TANC2: variants seen among roughly 807,000 people sequenced by gnomAD.
TANC2 encodes protein TANC2.
In TANC2, 26 loss-of-function variants were observed where a neutral mutation model predicts 210.5. The observed-to-expected ratio is 0.12, with a 90% CI of 0.09 to 0.17. The LOEUF (loss-of-function observed/expected upper bound fraction) is 0.17. Among genes scored for constraint, TANC2 ranks in the 10% least tolerant of loss-of-function variants. TANC2 has a pLI of 1.00. For synonymous variants in TANC2, 931 were observed against 967.1 expected, an observed-to-expected ratio of 0.96 and a Z score of 0.69; for missense variants, 2,129 against 2,608.9, an observed-to-expected ratio of 0.82 and a Z score of 4.01.
intron 8 of TANC2, among the ~76,000 whole-genome samples, chr17:63,266,029 G>T (rs2043514499): frequency 6.6e-6 from 1 of 152,014 alleles, no homozygotes; most frequent in South Asian, 2.1e-4. Flanking sequence ...TAGAGAAATA[G>T]AACCATATTG....
chr17:63,370,621 A>G (rs1000440712), intron 14 of TANC2, among the ~76,000 whole-genome samples: 1 of 152,252 alleles, frequency 6.6e-6, no homozygotes, highest in African/African-American at 2.4e-5. Flanking sequence ...ATTTATCACA[A>G]TAGAAATTTA....
chr17:63,329,275 C>G (rs558821936), intron 11 of TANC2, among the ~76,000 whole-genome samples: 1 of 151,414 alleles, frequency 6.6e-6, no homozygotes, highest in Non-Finnish European at 1.5e-5. Flanking sequence ...TTAAAGAACT[C>G]TTTAAAATTG....
chr17:63,338,325 G>A (rs1047800951), intron 11 of TANC2, among the ~76,000 whole-genome samples: 2 of 152,128 alleles, frequency 1.3e-5, no homozygotes, highest in African/African-American at 2.4e-5. Flanking sequence ...TCAGCCAAGA[G>A]CACAGATGGG....
At chr17:63,335,367 C>T (rs2045989963) in intron 11 of TANC2, among the ~76,000 whole-genome samples, 1 of 152,060 alleles carries the variant, frequency 6.6e-6, no homozygotes, top group South Asian at 2.1e-4. Flanking sequence ...AATCCCAACA[C>T]TTTGGGAGGC....
At chr17:63,089,170 A>G (rs1179204985) in intron 3 of TANC2, 1 of 152,266 alleles carries the variant, frequency 6.6e-6, no homozygotes, top group Non-Finnish European at 1.5e-5. Flanking sequence ...TGTGAGACGA[A>G]AACACCGAAA....
chr17:63,038,848 T>A (rs1184058065), intron 2 of TANC2, among the ~76,000 whole-genome samples: 3 of 152,178 alleles, frequency 2.0e-5, no homozygotes, highest in Non-Finnish European at 4.4e-5. Flanking sequence ...TGTCCTTAAT[T>A]TGTTAATCTG....
chr17:63,331,646 G>C (rs1220866903), intron 11 of TANC2, among the ~76,000 whole-genome samples: 2 of 152,120 alleles, frequency 1.3e-5, no homozygotes, highest in Admixed American at 6.5e-5. Flanking sequence ...AAAGATCTGG[G>C]TTTTTCAAAA....
At position 63,380,390 on chromosome 17, in the gene TANC2, C is replaced by T. The variant is rs904266401; in HGVS notation, c.2691+564C>T. Among the ~76,000 whole-genome samples, 6 of 152,194 alleles carry T rather than the reference C, an allele frequency of 3.9e-5. No individual in the cohort carries two copies. In the East Asian group the frequency reaches 9.6e-4, roughly 24 times the overall value. On this transcript the variant is annotated intron_variant, in intron 15 of 27. Coordinates refer to ENST00000689528, the Ensembl canonical transcript of TANC2. ...GCCTTCAGAAGGCTGAAATGGAGGACCAAAAAGAGGACACATAATTTGTTT... is the reference window on the plus strand; with the variant it reads ...GCCTTCAGAAGGCTGAAATGGAGGATCAAAAAGAGGACACATAATTTGTTT...
At position 63,172,285 on chromosome 17, in the gene TANC2, G is replaced by A. The variant is rs528606710; in HGVS notation, c.433+20905G>A. ...CAACCCCCGCCTCTCAGGTTCAAGC[G>A]ATTCTCCTGCCTCAGCCTCCTGAGT... is the stretch of plus-strand genomic sequence containing the variant. On this transcript the variant is annotated intron_variant, in intron 5 of 27. Coordinates refer to ENST00000689528, the Ensembl canonical transcript of TANC2. Among the ~76,000 whole-genome samples, 6 of 150,822 alleles carry A rather than the reference G, an allele frequency of 4.0e-5. No homozygotes were observed. In the South Asian group the frequency reaches 1.0e-3, roughly 26 times the overall value.
Position 63,354,050 on chromosome 17 carries a change from G to A in TANC2, c.1975-733G>A, listed in dbSNP as rs141155125. Among the ~76,000 whole-genome samples the A allele has an allele frequency of 2.6e-3, 400 of 152,240 alleles. 5 individuals carry two copies. Among genetic ancestry groups the A allele is most frequent in the African/African-American group, 9.1e-3 (380 of 41,542 alleles). On this transcript the variant is annotated intron_variant, in intron 13 of 27. Coordinates refer to ENST00000689528, the Ensembl canonical transcript of TANC2. ...TAGTAGCTGGAAGGAAGAATATGGA[G>A]TTTATGTATGTGTGACCCAGCTGAG...
chr17:63,298,090 T>C (rs1045425584), intron 9 of TANC2, among the ~76,000 whole-genome samples: 1 of 152,226 alleles, frequency 6.6e-6, no homozygotes, highest in African/African-American at 2.4e-5. Flanking sequence ...TAGGAACTCT[T>C]GTACATTGCT....
intron 5 of TANC2, among the ~76,000 whole-genome samples, chr17:63,166,796 A>C (rs1217536883): frequency 6.6e-6 from 1 of 152,168 alleles, no homozygotes; most frequent in East Asian, 1.9e-4. Flanking sequence ...TTCTTTTCTC[A>C]TCAGATACAT....
chr17:63,332,355 TC>T, intron 11 of TANC2: 1 of 313,872 alleles, frequency 3.2e-6, no homozygotes, highest in Non-Finnish European at 6.2e-6. Context: ...GGGTGAATTT[TC>T]TACAGTAAGT....
intron 12 of TANC2, among the ~76,000 whole-genome samples, chr17:63,345,772 G>C (rs2046387474): frequency 6.6e-6 from 1 of 152,178 alleles, no homozygotes; most frequent in Admixed American, 6.5e-5. Flanking sequence ...CAGAATTACA[G>C]ATTACTATAA....
chr17:63,407,465 A>G (rs546725016), intron 21 of TANC2, among the ~76,000 whole-genome samples: 17 of 152,358 alleles, frequency 1.1e-4, no homozygotes, highest in African/African-American at 4.1e-4. Flanking sequence ...AGATAGCTGC[A>G]AAGTACCTGT....
intron 7 of TANC2, among the ~76,000 whole-genome samples, chr17:63,204,939 G>A (rs1009820374): frequency 5.3e-5 from 8 of 151,918 alleles, no homozygotes; most frequent in African/African-American, 1.9e-4. Context: ...ACAAAAAGTA[G>A]CCAGGCGTGG....
chr17:63,309,332 A>G (rs2045038314), intron 9 of TANC2, among the ~76,000 whole-genome samples: 1 of 152,226 alleles, frequency 6.6e-6, no homozygotes, highest in South Asian at 2.1e-4. Flanking sequence ...CAGTAACTGA[A>G]GAAACTAATA....
chr17:63,108,041 A>G (rs1056384570), intron 4 of TANC2, among the ~76,000 whole-genome samples: 1 of 151,808 alleles, frequency 6.6e-6, no homozygotes, highest in African/African-American at 2.4e-5. Context: ...TATTTAACCC[A>G]TTTATGCCAG....
At chr17:63,409,656 T>C (rs1435744175) in intron 21 of TANC2, among the ~76,000 whole-genome samples, 1 of 152,236 alleles carries the variant, frequency 6.6e-6, no homozygotes, top group East Asian at 1.9e-4. Flanking sequence ...TATAGCCTAC[T>C]ACACACCTAG....
Sources: gnomAD v4.1 joint callset for allele counts (sites outside exome capture counted in the v4.1 genomes callset) on GRCh38, gnomAD v4.1.1 for gene constraint, MANE v1.5 for transcripts, NCBI Gene and HGNC (gene_info 2026-07-23, HGNC 2026-07-21) for gene names.